The following FBXO31 variants were observed in gnomAD, a reference collection of about 807,000 sequenced individuals.
The protein encoded by FBXO31 is F-box only protein 31.
A neutral mutation model predicts 54.4 loss-of-function variants in FBXO31; 24 were observed. The observed-to-expected ratio is 0.44, with a 90% CI of 0.32 to 0.62. The LOEUF (loss-of-function observed/expected upper bound fraction) is 0.62, where lower values mean the gene tolerates loss of function less well. Among genes scored for constraint, FBXO31 ranks in the 20% least tolerant of loss-of-function variants. The probability of loss-of-function intolerance (pLI) is 0.05; values close to 1 mark genes in which losing one functional copy is unlikely to be tolerated. For synonymous variants in FBXO31, 388 were observed against 335.6 expected, an observed-to-expected ratio of 1.16 and a Z score of -1.71; for missense variants, 665 against 787.1, an observed-to-expected ratio of 0.84 and a Z score of 1.86.
In FBXO31 at chr16:87,360,485, G is replaced by C. The variant is rs1387810315; in HGVS notation, c.341-119C>G. ...ACCTAGCCTCAGCCCCATCTCCAGA[G>C]TGCATCTGTCACTGTGGAGATTTCA... is the stretch of plus-strand genomic sequence containing the variant. On this transcript the variant is annotated intron_variant, in intron 1 of 8. Transcript: ENST00000311635. 6 of 768,538 alleles carry C rather than the reference G, an allele frequency of 7.8e-6. No individual in the cohort carries two copies. The East Asian group carries it at 7.8e-5, about 10-fold the overall frequency. 47.6% of individuals were successfully genotyped at this position (768,538 alleles called of 1,614,324 possible).
In FBXO31 at chr16:87,343,170, T is replaced by A. The variant is rs149144643; in HGVS notation, c.658-219A>T. On this transcript the variant is annotated intron_variant, in intron 4 of 8. Coordinates refer to ENST00000311635, the MANE Select transcript of FBXO31 (RefSeq NM_024735.5). ...GGAGGCAGTGGCACATCTGAGAGAG[T>A]GGCGTTTGCATTTCCCAGCGTGACA... is the stretch of plus-strand genomic sequence containing the variant. 2.9e-3 allele frequency among the ~76,000 whole-genome samples: 444 copies of A among 152,202 alleles called. 7 individuals carry two copies. The highest frequency in any genetic ancestry group is 0.013 in the Admixed American group (196 of 15,300).
chr16:87,369,546 G>A (rs2150691728), intron 1 of FBXO31, among the ~76,000 whole-genome samples: 1 of 152,302 alleles, frequency 6.6e-6, no homozygotes, highest in Non-Finnish European at 1.5e-5. Context: ...CAGCCTGCAG[G>A]GACCACGCTG....
At chr16:87,389,147 A>AAT (rs1375235922) in intron 1 of FBXO31, among the ~76,000 whole-genome samples, 1 of 151,570 alleles carries the variant, frequency 6.6e-6, no homozygotes, top group Non-Finnish European at 1.5e-5. Context: ...ACATTATTAT[A>AAT]ATATATATAC....
Position 87,327,914 on chromosome 16 carries a change from C to G in FBXO31, c.*3374G>C, listed in dbSNP as rs1235854043. The G allele has an allele frequency of 1.3e-5, 2 of 152,160 alleles. No individual in the cohort carries two copies. Among genetic ancestry groups the G allele is most frequent in the Admixed American group, 1.3e-4 (2 of 15,276 alleles). 9.4% of individuals were successfully genotyped at this position (152,160 alleles called of 1,614,324 possible). On this transcript the variant is annotated 3_prime_UTR_variant, in exon 9 of 9. Coordinates refer to ENST00000311635, the MANE Select transcript of FBXO31 (RefSeq NM_024735.5). ...AGGCAGCAACCAGAATAGAAACATC[C>G]TAAAAGAGCCTAGCTGCTTTCTGCA...
chr16:87,372,927 G>C (rs1028792666), intron 1 of FBXO31, among the ~76,000 whole-genome samples: 2 of 151,412 alleles, frequency 1.3e-5, no homozygotes, highest in African/African-American at 4.8e-5. Context: ...TAGAGACGGG[G>C]TTTCACCATA....
At position 87,331,235 on chromosome 16, in the gene FBXO31, C is replaced by A; in HGVS notation, c.*53G>T. The A allele has an allele frequency of 6.4e-7, 1 of 1,562,216 alleles. No homozygotes were observed. The highest frequency in any genetic ancestry group is 1.1e-5 in the South Asian group (1 of 88,832). ...GTGCATGCTGCTTCTATTCACAGGT[C>A]AGAGTTCAGAGCCCCAGAGCCACCC... On this transcript the variant is annotated 3_prime_UTR_variant, in exon 9 of 9. Transcript: ENST00000311635.
chr16:87,331,645 G>C (rs967464318), intron 8 of FBXO31, 135 bp from the exon 9 acceptor site: 1 of 753,010 alleles, frequency 1.3e-6, no homozygotes, highest in Non-Finnish European at 2.1e-6. Context: ...CTGACTCCCA[G>C]AGCCAGCCTG....
At chr16:87,367,985 G>A (rs1414157703) in intron 1 of FBXO31, 1 of 152,112 alleles carries the variant, frequency 6.6e-6, no homozygotes, top group Non-Finnish European at 1.5e-5. Context: ...TTAACTGCTT[G>A]GACTTCTGAA....
chr16:87,371,214 G>A (rs1015366985), intron 1 of FBXO31, among the ~76,000 whole-genome samples: 6 of 152,232 alleles, frequency 3.9e-5, no homozygotes, highest in African/African-American at 9.6e-5. Context: ...CTGAGCCAGC[G>A]TAGCTCCTGC....
At chr16:87,344,532 G>C (rs1056095624) in intron 3 of FBXO31, among the ~76,000 whole-genome samples, 2 of 152,236 alleles carry the variant, frequency 1.3e-5, no homozygotes, top group Non-Finnish European at 2.9e-5. Context: ...CAACCAAGGA[G>C]AGAATTCCAT....
chr16:87,331,898 G>T (rs1434776296), intron 8 of FBXO31, among the ~76,000 whole-genome samples: 1 of 152,212 alleles, frequency 6.6e-6, no homozygotes, highest in Non-Finnish European at 1.5e-5. Flanking sequence ...ATTTCATAAA[G>T]GAGGCCCAAT....
chr16:87,391,357 C>T (rs988381743), upstream of FBXO31, among the ~76,000 whole-genome samples: 10 of 152,240 alleles, frequency 6.6e-5, no homozygotes, highest in Non-Finnish European at 1.3e-4. Context: ...ACATTGGCCA[C>T]AGGCTGAGGT....
intron 3 of FBXO31, among the ~76,000 whole-genome samples, chr16:87,344,258 T>C (rs1227084749): frequency 6.6e-6 from 1 of 152,182 alleles, no homozygotes; most frequent in Non-Finnish European, 1.5e-5. Context: ...ACAGCTGAAA[T>C]GCCACGGGCC....
Position 87,331,077 on chromosome 16 carries a change from G to T in FBXO31, c.*211C>A, listed in dbSNP as rs2150666233. The T allele has an allele frequency of 1.8e-6, 1 of 563,026 alleles. No homozygotes were observed. The highest frequency in any genetic ancestry group is 3.2e-6 in the Non-Finnish European group (1 of 314,954). The allele number at this position is 563,026 out of a possible 1,614,324, so 34.9% of individuals were successfully genotyped here. On this transcript the variant is annotated 3_prime_UTR_variant, in exon 9 of 9. Transcript: ENST00000311635. The stretch of plus-strand genomic sequence containing the variant: ...GTTCTCTCTGTTTTTGGTAAGACAT[G>T]CTCAGCTTCTTCCATCATGGCACTG...
At chr16:87,363,465 G>A (rs747593655) in intron 1 of FBXO31, among the ~76,000 whole-genome samples, 1 of 152,148 alleles carries the variant, frequency 6.6e-6, no homozygotes, top group South Asian at 2.1e-4. Flanking sequence ...GGTGACCTGG[G>A]GCATCTGAGG....
At chr16:87,391,304 C>CTCAAAAAAACCCCA (rs1268708597), upstream of FBXO31, among the ~76,000 whole-genome samples, 1 of 152,156 alleles carries the variant, frequency 6.6e-6, no homozygotes. Flanking sequence ...AAGACCCTGT[C>CTCAAAAAAACCCCA]TCAAAAAAAC....
chr16:87,373,556 G>T (rs1385271218), intron 1 of FBXO31, among the ~76,000 whole-genome samples: 2 of 150,946 alleles, frequency 1.3e-5, no homozygotes, highest in East Asian at 2.0e-4. Flanking sequence ...TTTTGACAGG[G>T]TCTCACTTTG....
In FBXO31 at chr16:87,349,469, T is replaced by C. The variant is rs533636436; in HGVS notation, c.413-2219A>G. On this transcript the variant is annotated intron_variant, in intron 2 of 8. Coordinates refer to ENST00000311635, the MANE Select transcript of FBXO31 (RefSeq NM_024735.5). ...TGGTGGCTCACGCCTGTAATCCCAG[T>C]ACTTTGAGAGGCCAAGGCAGATGGA... is the stretch of plus-strand genomic sequence containing the variant. 2.6e-5 allele frequency among the ~76,000 whole-genome samples: 4 copies of C among 152,242 alleles called. No individual in the cohort carries two copies. The South Asian group carries it at 6.2e-4, about 24-fold the overall frequency.
At chr16:87,379,087 T>A (rs1327227327) in intron 1 of FBXO31, among the ~76,000 whole-genome samples, 1 of 152,204 alleles carries the variant, frequency 6.6e-6, no homozygotes, top group Non-Finnish European at 1.5e-5. Context: ...AAGAACTCTG[T>A]GACCACTCAG....
Sources: gnomAD v4.1 joint callset for allele counts (sites outside exome capture counted in the v4.1 genomes callset) on GRCh38, gnomAD v4.1.1 for gene constraint, MANE v1.5 for transcripts, NCBI Gene and HGNC (gene_info 2026-07-23, HGNC 2026-07-21) for gene names.